Variants in PRELID2 observed in about 807,000 individuals in gnomAD.
PRELID2 encodes the protein PRELI domain-containing protein 2.
In PRELID2, 25 loss-of-function variants were observed where a neutral mutation model predicts 28.4. The ratio of observed to expected loss-of-function variants is 0.88; its 90% CI spans 0.64 to 1.23. PRELID2 has a LOEUF of 1.23. PRELID2 is among the 50% of genes most tolerant of loss of function. The pLI, the probability that PRELID2 is intolerant of heterozygous loss-of-function variation, is 0.00. For synonymous variants in PRELID2, 76 were observed against 71.6 expected (o/e 1.06, Z -0.31); for missense variants, 201 against 214.4 (o/e 0.94, Z 0.39).
At chr5:145,235,630 T>A in the PRELID2 span, among the ~76,000 whole-genome samples, 1 of 151,778 alleles carries the variant, frequency 6.6e-6, no homozygotes, top group Non-Finnish European at 1.5e-5. Flanking sequence ...CCAAGATTAT[T>A]TTTTTTTGCT....
the PRELID2 span, among the ~76,000 whole-genome samples, chr5:145,403,679 T>C: frequency 2.0e-5 from 3 of 152,342 alleles, no homozygotes; most frequent in East Asian, 5.8e-4. Flanking sequence ...TTTTATTTAA[T>C]CCTCTCACAA....
At chr5:145,326,295 T>C in the PRELID2 span, among the ~76,000 whole-genome samples, 1 of 152,152 alleles carries the variant, frequency 6.6e-6, no homozygotes, top group Non-Finnish European at 1.5e-5. Flanking sequence ...TATAAACCAC[T>C]GCAGTCAGCC....
the PRELID2 span, among the ~76,000 whole-genome samples, chr5:145,287,962 C>A: frequency 6.6e-6 from 1 of 152,192 alleles, no homozygotes; most frequent in African/African-American, 2.4e-5. Context: ...ACTGAGATTT[C>A]TTTGAGTTTA....
intron 4 of PRELID2, among the ~76,000 whole-genome samples, chr5:145,815,669 C>T (rs749066981): frequency 6.6e-6 from 1 of 152,196 alleles, no homozygotes; most frequent in Non-Finnish European, 1.5e-5. Flanking sequence ...CAATATGTGG[C>T]CTTTTGTAAC....
intron 1 of PRELID2, among the ~76,000 whole-genome samples, chr5:145,650,960 A>G (rs2149670838): frequency 6.6e-6 from 1 of 152,298 alleles, no homozygotes; most frequent in Admixed American, 6.5e-5. Flanking sequence ...AGGGCGAGGC[A>G]TCGCCTCACC....
At chr5:145,650,117 T>C (rs1754263579) in intron 1 of PRELID2, among the ~76,000 whole-genome samples, 1 of 152,200 alleles carries the variant, frequency 6.6e-6, no homozygotes, top group Non-Finnish European at 1.5e-5. Context: ...CTATTTTTAA[T>C]TCACCGTCAC....
At chr5:145,485,420 T>G (rs1295775458) in intron 1 of PRELID2, among the ~76,000 whole-genome samples, 3 of 152,190 alleles carry the variant, frequency 2.0e-5, no homozygotes, top group African/African-American at 7.2e-5. Flanking sequence ...GTGATTCCAG[T>G]TCAAAGCTAG....
the PRELID2 span, among the ~76,000 whole-genome samples, chr5:145,407,370 G>A: frequency 6.6e-6 from 1 of 152,040 alleles, no homozygotes. Context: ...CTATATGATG[G>A]GGCAGAGGCA....
At chr5:145,455,669 A>T in the PRELID2 span, among the ~76,000 whole-genome samples, 1 of 152,076 alleles carries the variant, frequency 6.6e-6, no homozygotes, top group South Asian at 2.1e-4. Context: ...CATCCCTTGT[A>T]AGTTGTATTC....
chr5:145,833,799 T>A (rs1347787831), intron 1 of PRELID2, among the ~76,000 whole-genome samples: 3 of 152,236 alleles, frequency 2.0e-5, no homozygotes, highest in Admixed American at 2.0e-4. Flanking sequence ...CAATGTCCCG[T>A]GGCTGCTAAC....
intron 1 of PRELID2, among the ~76,000 whole-genome samples, chr5:145,606,177 T>C (rs935077693): frequency 6.6e-6 from 1 of 152,118 alleles, no homozygotes; most frequent in Non-Finnish European, 1.5e-5. Flanking sequence ...GCCAAGACTA[T>C]GGGGTTGTCT....
At chr5:145,673,894 C>A (rs1754761018) in intron 1 of PRELID2, among the ~76,000 whole-genome samples, 1 of 152,006 alleles carries the variant, frequency 6.6e-6, no homozygotes, top group African/African-American at 2.4e-5. Flanking sequence ...AACACAGAAG[C>A]AGACTTGAAC....
At chr5:145,575,214 C>A (rs745580889) in intron 1 of PRELID2, among the ~76,000 whole-genome samples, 9 of 152,088 alleles carry the variant, frequency 5.9e-5, no homozygotes, top group African/African-American at 9.7e-5. Flanking sequence ...ATGTCTTGAA[C>A]CCCTACACTT....
At chr5:145,239,981 C>T in the PRELID2 span, among the ~76,000 whole-genome samples, 7 of 152,108 alleles carry the variant, frequency 4.6e-5, no homozygotes, top group Admixed American at 4.6e-4. Flanking sequence ...TCGTTGAATG[C>T]TGTTTTCTCA....
At chr5:145,654,267 A>T (rs1754352121) in intron 1 of PRELID2, among the ~76,000 whole-genome samples, 1 of 152,234 alleles carries the variant, frequency 6.6e-6, no homozygotes, top group Non-Finnish European at 1.5e-5. Flanking sequence ...ATAGCTTACC[A>T]GCCAAAAAAA....
chr5:145,269,948 A>G, the PRELID2 span, among the ~76,000 whole-genome samples: 1 of 150,506 alleles, frequency 6.6e-6, no homozygotes, highest in Non-Finnish European at 1.5e-5. Flanking sequence ...CAACACTTGA[A>G]CAGATACTAA....
chr5:145,729,994 C>G (rs957762043), intron 1 of PRELID2, among the ~76,000 whole-genome samples: 1 of 152,034 alleles, frequency 6.6e-6, no homozygotes, highest in Non-Finnish European at 1.5e-5. Context: ...ATGGTTTAGC[C>G]TTTATATGGC....
At chr5:145,296,910 T>A in the PRELID2 span, among the ~76,000 whole-genome samples, 3 of 152,210 alleles carry the variant, frequency 2.0e-5, no homozygotes, top group Admixed American at 2.0e-4. Flanking sequence ...GGTATCTCAT[T>A]GTGGTTTTGA....
At chr5:145,658,198 G>A (rs1754428303) in intron 1 of PRELID2, among the ~76,000 whole-genome samples, 3 of 152,152 alleles carry the variant, frequency 2.0e-5, no homozygotes, top group African/African-American at 7.2e-5. Flanking sequence ...ACAAGTGTTA[G>A]GACTATGAAC....
Sources: gnomAD v4.1 joint callset for allele counts (sites outside exome capture counted in the v4.1 genomes callset) on GRCh38, gnomAD v4.1.1 for gene constraint, MANE v1.5 for transcripts, NCBI Gene and HGNC (gene_info 2026-07-23, HGNC 2026-07-21) for gene names.